The following EIF2AK1 variants were observed in gnomAD, a reference collection of about 807,000 sequenced individuals.
The protein encoded by EIF2AK1 is eukaryotic translation initiation factor 2-alpha kinase 1.
A neutral mutation model predicts 77.9 loss-of-function variants in EIF2AK1; 54 were observed. That is an observed-to-expected ratio of 0.69 (90% CI 0.56 to 0.87). The LOEUF is 0.87. EIF2AK1 is among the 40% of genes least tolerant of loss of function. The pLI is 0.00. For synonymous variants in EIF2AK1, 314 were observed against 290.5 expected (o/e 1.08, Z -0.82); for missense variants, 810 against 768.6 (o/e 1.05, Z -0.64).
chr7:6,035,763 C>CTGAA lies in EIF2AK1; in HGVS notation c.1332+1657_1332+1660dup. 6.4e-7 allele frequency: 1 copy of CTGAA among 1,551,130 alleles called. No homozygotes were observed. The highest frequency in any genetic ancestry group is 8.7e-7 in the Non-Finnish European group (1 of 1,147,130). On this transcript the variant is annotated intron_variant, in intron 11 of 14. Coordinates refer to ENST00000199389, the MANE Select transcript of EIF2AK1 (RefSeq NM_014413.4). The surrounding 1 kb of genome is among the most constrained non-coding windows in gnomAD (Gnocchi z 5.5). ...ACCCCTTCACATGGCCGCAAACATG[C>CTGAA]TGAATAAGGAGATGATGGAAACGCT...
intron 1 of EIF2AK1, 99 bp downstream of exon 1, chr7:6,058,867 C>T: frequency 9.0e-7 from 1 of 1,111,940 alleles, no homozygotes; most frequent in Non-Finnish European, 1.2e-6. Context: ...CAGCCAAAGT[C>T]GCCCAGGTCC....
chr7:6,046,736 T>C (rs1788454283), intron 5 of EIF2AK1: 2 of 307,538 alleles, frequency 6.5e-6, no homozygotes, highest in Non-Finnish European at 1.2e-5. Context: ...ACCCCGTCTC[T>C]ATTAAAAATA....
In EIF2AK1 at chr7:6,031,490, G is replaced by GA. The variant is rs796292905; in HGVS notation, c.1333-2459dup. The GA allele has an allele frequency of 3.9e-6, 6 of 1,550,684 alleles. No homozygotes were observed. In the African/African-American group the frequency reaches 8.2e-5, roughly 21 times the overall value. On this transcript the variant is annotated intron_variant, in intron 11 of 14. Coordinates refer to ENST00000199389, the MANE Select transcript of EIF2AK1 (RefSeq NM_014413.4). ...GAAACTCTATGAAGCCATCATGAGA[G>GA]AAGACTGCACTACGATCGAGGTACT...
Position 6,023,774 on chromosome 7 carries a change from G to C in EIF2AK1, c.*899C>G, listed in dbSNP as rs769948642. On this transcript the variant is annotated 3_prime_UTR_variant, in exon 15 of 15. Transcript: ENST00000199389. ...ATTATCAGTAAGGGGACTTGTATTA[G>C]AGTCAGAGTCTTTTTATTTAGGCCA... The C allele has an allele frequency of 1.2e-6, 2 of 1,604,606 alleles. No homozygotes were observed. Among genetic ancestry groups the C allele is most frequent in the East Asian group, 2.2e-5 (1 of 44,784 alleles).
intron 1 of EIF2AK1, among the ~76,000 whole-genome samples, chr7:6,056,543 G>A (rs6972257): frequency 0.03 from 4,304 of 142,754 alleles, 240 homozygotes; most frequent in African/African-American, 0.11. Context: ...GCAGTGAGCC[G>A]AGATCGCGCG....
chr7:6,037,371 G>T, intron 11 of EIF2AK1, 53 bp downstream of exon 11: 8 of 1,172,830 alleles, frequency 6.8e-6, no homozygotes, highest in South Asian at 1.3e-5. Flanking sequence ...ACATCAAGTC[G>T]TCCCTGATAC....
rs933557931 is a variant in EIF2AK1 at position 6,024,020 on chromosome 7, G to T, written c.*653C>A. 8.3e-6 allele frequency: 11 copies of T among 1,325,434 alleles called. No individual in the cohort carries two copies. Among genetic ancestry groups the T allele is most frequent in the Non-Finnish European group, 7.9e-6 (8 of 1,013,748 alleles). 82.1% of individuals were successfully genotyped at this position (1,325,434 alleles called of 1,614,324 possible). ...GGAGGAAGTACCGGGGAACAGTGCA[G>T]GGCAAAGGCAGGAAAGAGATCTGAG... On this transcript the variant is annotated 3_prime_UTR_variant, in exon 15 of 15. Coordinates refer to ENST00000199389, the MANE Select transcript of EIF2AK1 (RefSeq NM_014413.4).
intron 8 of EIF2AK1, among the ~76,000 whole-genome samples, chr7:6,042,435 A>T (rs1335971774): frequency 6.6e-6 from 1 of 150,772 alleles, no homozygotes; most frequent in East Asian, 2.0e-4. Flanking sequence ...TGGGCGACAG[A>T]GCGAGACTCC....
Position 6,035,765 on chromosome 7 carries a change from G to C in EIF2AK1, c.1332+1659C>G, listed in dbSNP as rs1583483250. 1 of 1,550,986 alleles carries C rather than the reference G, an allele frequency of 6.4e-7. No homozygotes were observed. Among genetic ancestry groups the C allele is most frequent in the South Asian group, 1.2e-5 (1 of 84,062 alleles). On this transcript the variant is annotated intron_variant, in intron 11 of 14. Transcript: ENST00000199389. This position sits in a 1 kb window ranked among gnomAD's most constrained non-coding sequence, Gnocchi z 5.5. ...CCCTTCACATGGCCGCAAACATGCT[G>C]AATAAGGAGATGATGGAAACGCTCA... is the stretch of plus-strand genomic sequence containing the variant.
chr7:6,029,716 C>A (rs1787847750), intron 11 of EIF2AK1, among the ~76,000 whole-genome samples: 1 of 152,152 alleles, frequency 6.6e-6, no homozygotes, highest in Non-Finnish European at 1.5e-5. Flanking sequence ...GGCACGGTGG[C>A]TCACACCTGT....
rs762429976 is a variant in EIF2AK1 at position 6,049,948 on chromosome 7, A to G, written c.375T>C (p.Thr125=). Residue 125 remains threonine, a synonymous_variant, in exon 3 of 15, where the codon ACT becomes ACC. Transcript: ENST00000199389. ...TCTCTTTAGCAGACCTCATTAAGTG[A>G]GTAATAGCTCTGTTGTGATGTAGTC... The part of the protein sequence containing the change: ...SLRLHHNRAI[T]HLMRSAKERV... The G allele has an allele frequency of 1.6e-5, 26 of 1,612,836 alleles. No individual in the cohort carries two copies. The highest frequency in any genetic ancestry group is 2.1e-5 in the Non-Finnish European group (25 of 1,179,654).
intron 8 of EIF2AK1, 87 bp downstream of exon 8, chr7:6,042,846 A>G: frequency 8.9e-7 from 1 of 1,129,354 alleles, no homozygotes. Flanking sequence ...AGTCTGGGTG[A>G]CAGAGCGAGA....
At chr7:6,050,496 T>G (rs1583496872) in intron 2 of EIF2AK1, among the ~76,000 whole-genome samples, 1 of 149,704 alleles carries the variant, frequency 6.7e-6, no homozygotes, top group South Asian at 2.1e-4. Context: ...GGCCCAGCCC[T>G]TAGATAAATT....
chr7:6,029,128 C>G, intron 11 of EIF2AK1, 96 bp from the exon 12 acceptor site: 1 of 1,025,358 alleles, frequency 9.8e-7, no homozygotes, highest in South Asian at 1.5e-5. Context: ...CAGGAGCAAG[C>G]AGCCCCTCAA....
intron 1 of EIF2AK1, 151 bp downstream of exon 1, chr7:6,058,815 C>G (rs575536365): frequency 4.6e-5 from 27 of 585,700 alleles, no homozygotes; most frequent in African/African-American, 2.2e-4. Flanking sequence ...CCGCCGCCCC[C>G]CCTCGCACTG....
intron 11 of EIF2AK1, chr7:6,031,633 G>C (rs1305972559): frequency 6.5e-7 from 1 of 1,541,482 alleles, no homozygotes; most frequent in African/African-American, 1.4e-5. Flanking sequence ...AAAAAGTCAG[G>C]CTGCTTAGAA....
At chr7:6,057,158 A>T (rs1788800656) in intron 1 of EIF2AK1, among the ~76,000 whole-genome samples, 2 of 130,256 alleles carry the variant, frequency 1.5e-5, no homozygotes, top group African/African-American at 2.9e-5. Context: ...TTTGAGACAG[A>T]GTCTCACTCT....
At chr7:6,024,841 T>TC (rs1419498297) in intron 14 of EIF2AK1, 40 bp from the exon 15 acceptor site, 1 of 888,630 alleles carries the variant, frequency 1.1e-6, no homozygotes, top group East Asian at 4.4e-5. Flanking sequence ...TAAAATAACT[T>TC]TTTTTTTTTT....
At chr7:6,056,781 C>A (rs1317415900) in intron 1 of EIF2AK1, among the ~76,000 whole-genome samples, 1 of 150,952 alleles carries the variant, frequency 6.6e-6, no homozygotes, top group Non-Finnish European at 1.5e-5. Context: ...TTGCAGAAAC[C>A]CTTATCACAA....
Sources: allele counts gnomAD v4.1 joint callset (sites outside exome capture counted in the v4.1 genomes callset), GRCh38; gene constraint gnomAD v4.1.1; non-coding constraint Gnocchi (gnomAD v3.1); transcripts MANE v1.5; gene names NCBI Gene and HGNC (gene_info 2026-07-23, HGNC 2026-07-21).